THRB: variants seen among roughly 807,000 people sequenced by gnomAD.
THRB encodes nuclear receptor subfamily 1 group A member 2.
In THRB, 12 loss-of-function variants were observed where a neutral mutation model predicts 47.8. That is an observed-to-expected ratio of 0.25 (90% CI 0.16 to 0.41). The LOEUF (loss-of-function observed/expected upper bound fraction) is 0.41, where lower values mean the gene tolerates loss of function less well. Among genes scored for constraint, THRB ranks in the 10% least tolerant of loss-of-function variants. The pLI, the probability that THRB is intolerant of heterozygous loss-of-function variation, is 1.00. For missense variants in THRB, 348 were observed against 589.2 expected (o/e 0.59, Z 4.24); for synonymous variants, 218 against 212.2 (o/e 1.03, Z -0.24).
intron 5 of THRB, among the ~76,000 whole-genome samples, chr3:24,173,875 C>A (rs1220468966): frequency 2.0e-5 from 3 of 152,160 alleles, no homozygotes; most frequent in African/African-American, 7.2e-5. Flanking sequence ...ATTCCAGCCA[C>A]CTACCAAACC....
chr3:24,138,027 T>G (rs2034912951), intron 8 of THRB, among the ~76,000 whole-genome samples: 1 of 151,468 alleles, frequency 6.6e-6, no homozygotes, highest in Admixed American at 6.6e-5. Flanking sequence ...TGTTCAGGGG[T>G]GACCTCAGCC....
chr3:24,398,635 G>A (rs1251448432), intron 1 of THRB, among the ~76,000 whole-genome samples: 1 of 152,204 alleles, frequency 6.6e-6, no homozygotes, highest in Non-Finnish European at 1.5e-5. Context: ...TGGTGGGACT[G>A]TAAACTAGTT....
At chr3:24,141,291 C>G (rs1456020322) in intron 8 of THRB, among the ~76,000 whole-genome samples, 1 of 152,200 alleles carries the variant, frequency 6.6e-6, no homozygotes, top group Non-Finnish European at 1.5e-5. Context: ...AAGACTGGTT[C>G]TAATGACTAG....
intron 4 of THRB, among the ~76,000 whole-genome samples, chr3:24,201,028 G>A (rs2044528644): frequency 6.6e-6 from 1 of 152,164 alleles, no homozygotes; most frequent in Non-Finnish European, 1.5e-5. Flanking sequence ...CAACAGTAAA[G>A]AGGGGAGAAT....
chr3:24,418,649 C>A (rs1263099309), intron 1 of THRB, among the ~76,000 whole-genome samples: 2 of 151,874 alleles, frequency 1.3e-5, no homozygotes, highest in Non-Finnish European at 2.9e-5. Flanking sequence ...TAGGCCTTAC[C>A]CTCCAAAGAT....
intron 9 of THRB, among the ~76,000 whole-genome samples, chr3:24,130,343 T>G (rs573841811): frequency 2.0e-5 from 3 of 152,266 alleles, no homozygotes; most frequent in Admixed American, 6.5e-5. Context: ...GTGCGCAGTG[T>G]GTTTGCTCCT....
chr3:24,271,591 A>G (rs887160007), intron 3 of THRB, among the ~76,000 whole-genome samples: 1 of 152,124 alleles, frequency 6.6e-6, no homozygotes, highest in African/African-American at 2.4e-5. Context: ...TTAGAAGAAA[A>G]TACACCCCCC....
intron 2 of THRB, chr3:24,318,280 C>T (rs2149268568): frequency 6.6e-6 from 1 of 152,380 alleles, no homozygotes; most frequent in Middle Eastern, 3.4e-3. Flanking sequence ...CTGGCTGTAT[C>T]TTTTGCAAGT....
intron 1 of THRB, among the ~76,000 whole-genome samples, chr3:24,339,177 T>C (rs939390906): frequency 1.3e-5 from 2 of 152,336 alleles, no homozygotes; most frequent in African/African-American, 2.4e-5. Context: ...ATATTTTTTT[T>C]TGAGAGTGTA....
intron 2 of THRB, among the ~76,000 whole-genome samples, chr3:24,315,821 T>A (rs2058077520): frequency 6.6e-6 from 1 of 152,220 alleles, no homozygotes; most frequent in Non-Finnish European, 1.5e-5. Context: ...TTATGCTGCT[T>A]ATAACTGGCA....
chr3:24,408,929 A>G (rs1214248443), intron 1 of THRB, among the ~76,000 whole-genome samples: 2 of 151,884 alleles, frequency 1.3e-5, no homozygotes, highest in African/African-American at 4.8e-5. Context: ...ACTTCCATCA[A>G]TGCTGCAAAA....
intron 1 of THRB, among the ~76,000 whole-genome samples, chr3:24,370,769 A>G (rs1431239834): frequency 1.3e-5 from 2 of 152,100 alleles, no homozygotes; most frequent in African/African-American, 2.4e-5. Flanking sequence ...AGATGGGCAC[A>G]AGGGCTCCCC....
chr3:24,125,557 G>C (rs2032595560), intron 10 of THRB, among the ~76,000 whole-genome samples: 1 of 152,130 alleles, frequency 6.6e-6, no homozygotes. Context: ...GAAGCTAGGG[G>C]TCACCCAAAG....
intron 4 of THRB, among the ~76,000 whole-genome samples, chr3:24,227,055 A>G (rs1301947630): frequency 6.6e-6 from 1 of 152,176 alleles, no homozygotes; most frequent in Non-Finnish European, 1.5e-5. Context: ...AGCGAAGACC[A>G]TTTTATTACC....
intron 1 of THRB, among the ~76,000 whole-genome samples, chr3:24,461,739 G>C (rs1453994889): frequency 1.3e-5 from 2 of 152,128 alleles, no homozygotes; most frequent in Non-Finnish European, 2.9e-5. Context: ...TGACTATGAT[G>C]TCTATACTAA....
At chr3:24,469,064 C>T (rs2074367644) in intron 1 of THRB, among the ~76,000 whole-genome samples, 1 of 152,136 alleles carries the variant, frequency 6.6e-6, no homozygotes, top group African/African-American at 2.4e-5. Flanking sequence ...CTTTGCCAAG[C>T]TGACTACTAC....
intron 3 of THRB, among the ~76,000 whole-genome samples, chr3:24,260,561 C>T (rs1385743241): frequency 1.3e-5 from 2 of 152,158 alleles, no homozygotes; most frequent in Non-Finnish European, 1.5e-5. Flanking sequence ...ATTCCAGCTG[C>T]TCATCACTGG....
chr3:24,247,965 G>A (rs2050266256), intron 3 of THRB, among the ~76,000 whole-genome samples: 2 of 152,112 alleles, frequency 1.3e-5, no homozygotes, highest in Admixed American at 1.3e-4. Flanking sequence ...TATTTGAAAA[G>A]TTTACTCTTG....
intron 3 of THRB, among the ~76,000 whole-genome samples, chr3:24,268,598 A>G (rs2052908749): frequency 6.6e-6 from 1 of 152,184 alleles, no homozygotes; most frequent in African/African-American, 2.4e-5. Flanking sequence ...AAAATTAAAC[A>G]CATTTTAAAA....
Sources: allele counts gnomAD v4.1 joint callset (sites outside exome capture counted in the v4.1 genomes callset), GRCh38; gene constraint gnomAD v4.1.1; transcripts MANE v1.5; gene names NCBI Gene and HGNC (gene_info 2026-07-23, HGNC 2026-07-21).